EBF1: variants seen among roughly 807,000 people sequenced by gnomAD.
EBF1 encodes the protein transcription factor COE1.
In EBF1, 10 loss-of-function variants were observed where a neutral mutation model predicts 68.4. The ratio of observed to expected loss-of-function variants is 0.15; its 90% CI spans 0.09 to 0.25. EBF1 has a LOEUF of 0.25. Ranked by LOEUF, EBF1 falls within the 10% of genes least tolerant of loss-of-function variation. The probability of loss-of-function intolerance (pLI) is 1.00; values close to 1 mark genes in which losing one functional copy is unlikely to be tolerated. For missense variants in EBF1, 509 were observed against 794.4 expected, an observed-to-expected ratio of 0.64 and a Z score of 4.32; for synonymous variants, 298 against 299.8, an observed-to-expected ratio of 0.99 and a Z score of 0.06.
At chr5:159,070,235 A>T (rs1008850618) in intron 6 of EBF1, among the ~76,000 whole-genome samples, 1 of 152,182 alleles carries the variant, frequency 6.6e-6, no homozygotes, top group African/African-American at 2.4e-5. Flanking sequence ...CCACACAGAA[A>T]TGTAACCTGG....
intron 10 of EBF1, among the ~76,000 whole-genome samples, chr5:158,752,351 G>A (rs1769103799): frequency 1.4e-5 from 2 of 145,782 alleles, no homozygotes; most frequent in South Asian, 2.1e-4. Flanking sequence ...AAAAAGCACA[G>A]CTTAGGACTT....
chr5:158,721,243 G>C (rs550061963), intron 11 of EBF1, among the ~76,000 whole-genome samples: 20 of 152,234 alleles, frequency 1.3e-4, no homozygotes, highest in Middle Eastern at 3.4e-3. Flanking sequence ...GGCATGGTTG[G>C]AGGTAAACCA....
chr5:158,766,171 T>G (rs1013157855), intron 10 of EBF1, among the ~76,000 whole-genome samples: 3 of 152,148 alleles, frequency 2.0e-5, no homozygotes, highest in African/African-American at 7.2e-5. Flanking sequence ...ATTGACCTCT[T>G]ATCATTACAA....
At chr5:158,750,468 GTAA>G (rs1244901079) in intron 10 of EBF1, among the ~76,000 whole-genome samples, 2 of 151,866 alleles carry the variant, frequency 1.3e-5, no homozygotes, top group Non-Finnish European at 2.9e-5. Context: ...AGTACCAAAG[GTAA>G]TTATCCAAAA....
intron 8 of EBF1, among the ~76,000 whole-genome samples, chr5:158,815,266 G>A (rs1432941445): frequency 2.0e-5 from 3 of 152,158 alleles, no homozygotes; most frequent in Non-Finnish European, 4.4e-5. Flanking sequence ...AGGGCTCAGG[G>A]AATGTTTATT....
rs545393597 is a variant in EBF1, at chr5:159,082,088, A to C, written c.485+2578T>G. 6.6e-5 allele frequency among the ~76,000 whole-genome samples: 10 copies of C among 152,154 alleles called. No individual in the cohort carries two copies. In the East Asian group the frequency reaches 1.5e-3, roughly 24 times the overall value. On this transcript the variant is annotated intron_variant, in intron 5 of 15. Coordinates refer to ENST00000313708, the MANE Select transcript of EBF1 (RefSeq NM_024007.5). Reference sequence around the variant, plus strand: ...CAGACAGAACACAATGGATTTTAAAAATTTGCAACCACCTGAGACACAATT... The same window carrying C: ...CAGACAGAACACAATGGATTTTAAACATTTGCAACCACCTGAGACACAATT...
chr5:158,697,111 C>A lies in EBF1; in HGVS notation c.*2000G>T, dbSNP rs1299248233. 1 of 191,468 alleles carries A rather than the reference C, an allele frequency of 5.2e-6. No homozygotes were observed. The highest frequency in any genetic ancestry group is 1.1e-5 in the Non-Finnish European group (1 of 91,468). The allele number at this position is 191,468 out of a possible 1,614,324, so 11.9% of individuals were successfully genotyped here. A position where few individuals can be genotyped will look rare whatever the true frequency, so the allele number is the denominator to read the frequency against. On this transcript the variant is annotated 3_prime_UTR_variant, in exon 16 of 16. Coordinates refer to ENST00000313708, the MANE Select transcript of EBF1 (RefSeq NM_024007.5). ...GTTCATTGATTTCTATGAAGTTTCT[C>A]CCTAGAATTTAATGCACAAAATGCG...
chr5:159,051,540 T>C (rs1773743494), intron 6 of EBF1, among the ~76,000 whole-genome samples: 1 of 150,578 alleles, frequency 6.6e-6, no homozygotes, highest in Admixed American at 6.6e-5. Context: ...CCTTTCCGCT[T>C]AGGAGGAACT....
In EBF1 at chr5:158,835,782, T is replaced by C. The variant is rs998440090; in HGVS notation, c.636+4247A>G. Among the ~76,000 whole-genome samples, 3 of 152,232 alleles carry C rather than the reference T, an allele frequency of 2.0e-5. No homozygotes were observed. In the East Asian group the frequency reaches 5.8e-4, roughly 29 times the overall value. On this transcript the variant is annotated intron_variant, in intron 7 of 15. Transcript: ENST00000313708. ...TGATGTGTGACTTTGGGTAAATTGC[T>C]TAACTGTTCTAAAATGTTTCCTCAT... is the stretch of plus-strand genomic sequence containing the variant.
intron 6 of EBF1, among the ~76,000 whole-genome samples, chr5:158,910,761 A>G (rs1015346287): frequency 2.0e-5 from 3 of 152,172 alleles, no homozygotes; most frequent in Admixed American, 6.5e-5. Context: ...AGATGTACAC[A>G]ATAATTGGTG....
At chr5:158,829,443 C>T (rs1786985323) in intron 7 of EBF1, among the ~76,000 whole-genome samples, 1 of 151,776 alleles carries the variant, frequency 6.6e-6, no homozygotes, top group South Asian at 2.1e-4. Flanking sequence ...TGTCAGTCTC[C>T]CAAAGTGCTG....
At chr5:158,752,971 TAGAA>T (rs914750122) in intron 10 of EBF1, among the ~76,000 whole-genome samples, 1 of 152,020 alleles carries the variant, frequency 6.6e-6, no homozygotes, top group African/African-American at 2.4e-5. Context: ...AACAAGAAAA[TAGAA>T]AGAAAGGGTA....
chr5:158,830,647 G>A (rs895230465), intron 7 of EBF1, among the ~76,000 whole-genome samples: 2 of 152,104 alleles, frequency 1.3e-5, no homozygotes, highest in African/African-American at 4.8e-5. Context: ...AATCTATGGT[G>A]CCTGTGTGAC....
intron 6 of EBF1, among the ~76,000 whole-genome samples, chr5:159,041,074 G>T (rs1771102006): frequency 6.6e-6 from 1 of 152,172 alleles, no homozygotes; most frequent in African/African-American, 2.4e-5. Context: ...ACCCTTGGCA[G>T]ACTTACAATC....
chr5:158,828,209 T>A (rs1786638173), intron 7 of EBF1, among the ~76,000 whole-genome samples: 1 of 152,172 alleles, frequency 6.6e-6, no homozygotes, highest in Admixed American at 6.5e-5. Flanking sequence ...ACTATTGATA[T>A]CCCAGGGAAT....
intron 9 of EBF1, among the ~76,000 whole-genome samples, chr5:158,785,603 G>A (rs988522360): frequency 2.0e-5 from 3 of 152,142 alleles, no homozygotes; most frequent in African/African-American, 7.2e-5. Context: ...GGCATTTACT[G>A]TTTCACAAAA....
In EBF1 at chr5:158,704,621, C is replaced by G. The variant is rs543650024; in HGVS notation, c.1744+3358G>C. 2.0e-5 allele frequency among the ~76,000 whole-genome samples: 3 copies of G among 151,408 alleles called. No individual in the cohort carries two copies. In the East Asian group the frequency reaches 5.8e-4, roughly 29 times the overall value. On this transcript the variant is annotated intron_variant, in intron 15 of 15. Transcript: ENST00000313708. Reference sequence around the variant, plus strand: ...ACCAATTCCATAACCTGCCTTCATCCTTTTTTTCTTTTTTTTTTTTATGGT... The same window carrying G: ...ACCAATTCCATAACCTGCCTTCATCGTTTTTTTCTTTTTTTTTTTTATGGT...
intron 6 of EBF1, among the ~76,000 whole-genome samples, chr5:159,054,464 GTCTC>G (rs902235857): frequency 6.6e-6 from 1 of 152,080 alleles, no homozygotes; most frequent in African/African-American, 2.4e-5. Context: ...CTGTTTCTCA[GTCTC>G]TCTCTCGTCT....
In EBF1 at chr5:158,699,108, C is replaced by G. The variant is rs969041375; in HGVS notation, c.*3G>C. ...ATTAATACAATTCTTCAAGGCAATT[C>G]TTTCACATAGGAGGAACAATCATGC... On this transcript the variant is annotated 3_prime_UTR_variant, in exon 16 of 16. Coordinates refer to ENST00000313708, the MANE Select transcript of EBF1 (RefSeq NM_024007.5). 1 of 1,607,192 alleles carries G rather than the reference C, an allele frequency of 6.2e-7. No homozygotes were observed. Among genetic ancestry groups the G allele is most frequent in the East Asian group, 2.2e-5 (1 of 44,730 alleles).
Sources: allele counts gnomAD v4.1 joint callset (sites outside exome capture counted in the v4.1 genomes callset), GRCh38; gene constraint gnomAD v4.1.1; transcripts MANE v1.5; gene names NCBI Gene and HGNC (gene_info 2026-07-23, HGNC 2026-07-21).